The following TOGARAM2 variants were observed in gnomAD, a reference collection of about 807,000 sequenced individuals.
TOGARAM2 encodes the protein TOG array regulator of axonemal microtubules protein 2.
TOGARAM2 carries 85 observed loss-of-function variants against 93.3 expected under a neutral mutation model. That is an observed-to-expected ratio of 0.91 (90% CI 0.76 to 1.09). TOGARAM2 has a LOEUF of 1.09. TOGARAM2 is among the 50% of genes least tolerant of loss of function. The pLI, the probability that TOGARAM2 is intolerant of heterozygous loss-of-function variation, is 0.00. For missense variants in TOGARAM2, 1,277 were observed against 1,334.5 expected, an observed-to-expected ratio of 0.96 and a Z score of 0.67; for synonymous variants, 593 against 552.8, an observed-to-expected ratio of 1.07 and a Z score of -1.02.
intron 13 of TOGARAM2, among the ~76,000 whole-genome samples, chr2:29,025,655 C>T (rs1379412145): frequency 1.3e-5 from 2 of 152,106 alleles, no homozygotes; most frequent in Non-Finnish European, 2.9e-5. Context: ...GTTCTGATGT[C>T]CCCCACTGTG....
At chr2:29,038,537 A>G (rs567351765) in intron 18 of TOGARAM2, among the ~76,000 whole-genome samples, 2 of 152,300 alleles carry the variant, frequency 1.3e-5, no homozygotes, top group Admixed American at 6.5e-5. Context: ...ATGCAATGGC[A>G]TGATCTCAGC....
At chr2:29,031,190 G>A (rs1416139413) in intron 14 of TOGARAM2, among the ~76,000 whole-genome samples, 2 of 152,214 alleles carry the variant, frequency 1.3e-5, no homozygotes, top group South Asian at 2.1e-4. Flanking sequence ...ATGGGGTCTT[G>A]CTATGTTGCC....
At chr2:28,991,918 C>T (rs952381261) in intron 1 of TOGARAM2, among the ~76,000 whole-genome samples, 5 of 152,154 alleles carry the variant, frequency 3.3e-5, no homozygotes, top group Non-Finnish European at 7.3e-5. Context: ...GGCTGGGAAA[C>T]GGAGGCTGAG....
chr2:28,983,094 C>T (rs1672282083), intron 1 of TOGARAM2, among the ~76,000 whole-genome samples: 1 of 150,922 alleles, frequency 6.6e-6, no homozygotes, highest in Non-Finnish European at 1.5e-5. Flanking sequence ...CTCAAGTGTT[C>T]CTCCCACCTC....
intron 14 of TOGARAM2, among the ~76,000 whole-genome samples, chr2:29,029,264 T>TACACAC (rs146395549): frequency 0.063 from 9,279 of 147,884 alleles, 314 homozygotes; most frequent in Non-Finnish European, 0.07. Flanking sequence ...TATGTGTGTA[T>TACACAC]ACACACACAC....
intron 13 of TOGARAM2, among the ~76,000 whole-genome samples, chr2:29,025,397 T>C (rs1012150687): frequency 6.6e-6 from 1 of 152,022 alleles, no homozygotes; most frequent in Non-Finnish European, 1.5e-5. Flanking sequence ...AATTGTATTT[T>C]TTTTTTCTGG....
intron 15 of TOGARAM2, 88 bp downstream of exon 15, chr2:29,033,139 G>A: frequency 9.7e-7 from 1 of 1,032,290 alleles, no homozygotes; most frequent in Non-Finnish European, 1.5e-6. Flanking sequence ...GGTCAGGGGA[G>A]TGGGGAGTGG....
chr2:28,987,453 C>G (rs1022681332), intron 1 of TOGARAM2, among the ~76,000 whole-genome samples: 1 of 152,132 alleles, frequency 6.6e-6, no homozygotes, highest in African/African-American at 2.4e-5. Context: ...CCACGCCCAG[C>G]TAATTTTTTG....
intron 2 of TOGARAM2, among the ~76,000 whole-genome samples, chr2:28,996,441 C>G (rs2148272925): frequency 1.3e-5 from 2 of 152,232 alleles, no homozygotes; most frequent in East Asian, 3.9e-4. Flanking sequence ...TGTTCTCTGC[C>G]TCTGTGAGAC....
At chr2:28,961,916 C>T (rs1482147764) in intron 1 of TOGARAM2, among the ~76,000 whole-genome samples, 1 of 152,140 alleles carries the variant, frequency 6.6e-6, no homozygotes, top group Admixed American at 6.6e-5. Flanking sequence ...TGTTTTTTCT[C>T]CAACTACAAT....
chr2:29,011,581 G>A, intron 7 of TOGARAM2, 80 bp downstream of exon 7: 1 of 1,367,474 alleles, frequency 7.3e-7, no homozygotes, highest in South Asian at 1.4e-5. Flanking sequence ...CAGAATTAGG[G>A]CCAGAGGAGA....
chr2:29,036,094 G>C (rs888635410), intron 17 of TOGARAM2, among the ~76,000 whole-genome samples: 1 of 152,142 alleles, frequency 6.6e-6, no homozygotes, highest in African/African-American at 2.4e-5. Context: ...TGAGGCTGCT[G>C]ACAGTCAGTT....
At chr2:29,004,872 T>G (rs1476998177) in intron 6 of TOGARAM2, among the ~76,000 whole-genome samples, 3 of 150,210 alleles carry the variant, frequency 2.0e-5, no homozygotes, top group Non-Finnish European at 4.4e-5. Context: ...TGTGTGCATG[T>G]GTGTGGAGTG....
chr2:29,030,628 C>T (rs934237655), intron 14 of TOGARAM2, among the ~76,000 whole-genome samples: 3 of 152,214 alleles, frequency 2.0e-5, no homozygotes, highest in Non-Finnish European at 4.4e-5. Flanking sequence ...CTTCCTAGAA[C>T]TCTGTCCTTC....
chr2:29,050,587 T>G (rs1667006731), intron 19 of TOGARAM2: 1 of 152,016 alleles, frequency 6.6e-6, no homozygotes, highest in Admixed American at 6.5e-5. Flanking sequence ...AATGGAGCTG[T>G]GATGTGAAGC....
chr2:28,978,701 G>T (rs970699173), upstream of TOGARAM2, among the ~76,000 whole-genome samples: 2 of 152,180 alleles, frequency 1.3e-5, no homozygotes, highest in East Asian at 3.8e-4. Context: ...TTCCCAGCTT[G>T]TGATTCTGTA....
At chr2:28,995,780 G>C (rs1415928441) in intron 2 of TOGARAM2, among the ~76,000 whole-genome samples, 2 of 152,240 alleles carry the variant, frequency 1.3e-5, no homozygotes, top group African/African-American at 4.8e-5. Context: ...GGGAACCCAG[G>C]CTCCTGAGTT....
chr2:28,982,914 G>T (rs1401434438), intron 1 of TOGARAM2, among the ~76,000 whole-genome samples: 1 of 151,970 alleles, frequency 6.6e-6, no homozygotes, highest in Non-Finnish European at 1.5e-5. Context: ...TCCCCTTAGG[G>T]TTAATCATGC....
intron 14 of TOGARAM2, 27 bp from the exon 15 acceptor site, chr2:29,032,906 CT>C: frequency 6.3e-7 from 1 of 1,591,008 alleles, no homozygotes; most frequent in Non-Finnish European, 8.6e-7. Flanking sequence ...GAGGCTGTTT[CT>C]TTATCTTGCT....
Sources: allele counts gnomAD v4.1 joint callset (sites outside exome capture counted in the v4.1 genomes callset), GRCh38; gene constraint gnomAD v4.1.1; transcripts MANE v1.5; gene names NCBI Gene and HGNC (gene_info 2026-07-23, HGNC 2026-07-21).